Variants in KLRG1 observed in about 807,000 individuals in gnomAD.
KLRG1 encodes killer cell lectin like receptor G1.
Under a neutral mutation model 21.8 loss-of-function variants are expected in KLRG1, and 16 were observed. The observed-to-expected ratio is 0.73, with a 90% CI of 0.50 to 1.11. The LOEUF (loss-of-function observed/expected upper bound fraction) is 1.11. Ranked by LOEUF, KLRG1 falls within the 50% of genes most tolerant of loss-of-function variation. The probability of loss-of-function intolerance (pLI) is 0.00; values close to 1 mark genes in which losing one functional copy is unlikely to be tolerated. For missense variants in KLRG1, 173 were observed against 218.3 expected, an observed-to-expected ratio of 0.79 and a Z score of 1.31; for synonymous variants, 69 against 75.9, an observed-to-expected ratio of 0.91 and a Z score of 0.47.
At chr12:9,158,752 CTTTTCT>C in the KLRG1 span, among the ~76,000 whole-genome samples, 22 of 97,830 alleles carry the variant, frequency 2.2e-4, no homozygotes, top group South Asian at 4.0e-4. Context: ...TTTTTCTTTT[CTTTTCT>C]TTTTTTTTTT....
chr12:9,200,091 A>G, the KLRG1 span, among the ~76,000 whole-genome samples: 1 of 152,224 alleles, frequency 6.6e-6, no homozygotes, highest in African/African-American at 2.4e-5. Context: ...ATGTACAGAA[A>G]AATATCATGA....
At chr12:9,124,869 G>T in the KLRG1 span, among the ~76,000 whole-genome samples, 28 of 152,328 alleles carry the variant, frequency 1.8e-4, no homozygotes, top group Middle Eastern at 3.4e-3. Flanking sequence ...TGAAGGTTGG[G>T]ATCCCGGCAG....
rs1258320530 is a variant in KLRG1 at position 9,003,924 on chromosome 12, A to G, written c.358-5051A>G. Among the ~76,000 whole-genome samples, 3 of 151,412 alleles carry G rather than the reference A, an allele frequency of 2.0e-5. No individual in the cohort carries two copies. In the East Asian group the frequency reaches 5.8e-4, roughly 29 times the overall value. ...TGTGTCCATGTGTTCTCATTGTTCA[A>G]TTCCCATCTATGAGTGAGAACATGC... On this transcript the variant is annotated intron_variant, in intron 3 of 4. Transcript: ENST00000356986.
At chr12:9,162,342 T>C in the KLRG1 span, 2 of 393,802 alleles carry the variant, frequency 5.1e-6, no homozygotes, top group Non-Finnish European at 9.0e-6. Context: ...CACTGGGCTA[T>C]CCAGGTAAAA....
the KLRG1 span, among the ~76,000 whole-genome samples, chr12:9,062,777 T>G: frequency 6.7e-6 from 1 of 148,726 alleles, no homozygotes; most frequent in Non-Finnish European, 1.5e-5. Context: ...ATGATATATA[T>G]TTATAGCAGA....
the KLRG1 span, chr12:9,076,843 G>A: frequency 6.2e-7 from 1 of 1,613,948 alleles, no homozygotes; most frequent in Non-Finnish European, 8.5e-7. Flanking sequence ...TAGGCCAGCA[G>A]TGCTTTGGTA....
chr12:8,978,062 C>T (rs1592251465), intron 1 of KLRG1, among the ~76,000 whole-genome samples: 1 of 152,126 alleles, frequency 6.6e-6, no homozygotes, highest in African/African-American at 2.4e-5. Flanking sequence ...TCATAGTGTG[C>T]ATTGGTTAAC....
chr12:9,096,239 C>T, the KLRG1 span, among the ~76,000 whole-genome samples: 2 of 152,188 alleles, frequency 1.3e-5, no homozygotes, highest in Non-Finnish European at 2.9e-5. Flanking sequence ...TCTAAGTACT[C>T]ATCTAAGTAC....
chr12:9,070,655 A>G, the KLRG1 span: 1 of 957,504 alleles, frequency 1.0e-6, no homozygotes, highest in Non-Finnish European at 1.6e-6. Context: ...CATGTTAAGC[A>G]TTCCACAGCT....
intron 1 of KLRG1, among the ~76,000 whole-genome samples, chr12:8,976,839 T>C (rs1946664350): frequency 1.3e-5 from 2 of 151,762 alleles, no homozygotes. Flanking sequence ...CTCCACCTTA[T>C]GGGTTCAAGT....
the KLRG1 span, chr12:9,203,812 C>G: frequency 1.4e-5 from 22 of 1,614,012 alleles, no homozygotes; most frequent in East Asian, 4.5e-4. Flanking sequence ...GCCACCAGGT[C>G]AGTGAAGAGG....
rs76829886 is a variant in KLRG1, at chr12:8,982,982, T to C, written c.-155-9224T>C. Reference sequence around the variant, plus strand: ...TATCTTTTTGGTTCTTGCTTTTTCTTCTAGTCTTACAATTTGTGCCATTTA... The same window carrying C: ...TATCTTTTTGGTTCTTGCTTTTTCTCCTAGTCTTACAATTTGTGCCATTTA... On this transcript the variant is annotated intron_variant, in intron 1 of 4. Coordinates refer to the KLRG1 transcript ENST00000539240. Among the ~76,000 whole-genome samples, 203 of 152,316 alleles carry C rather than the reference T, an allele frequency of 1.3e-3. 2 individuals carry two copies. Among genetic ancestry groups the C allele is most frequent in the Middle Eastern group, 3.4e-3 (1 of 294 alleles).
chr12:9,159,921 T>C, the KLRG1 span: 10 of 1,588,490 alleles, frequency 6.3e-6, no homozygotes, highest in African/African-American at 8.1e-5. Flanking sequence ...AAACTCAGAA[T>C]AGATTTTCTT....
the KLRG1 span, chr12:9,158,622 CT>C: frequency 6.3e-7 from 1 of 1,591,362 alleles, no homozygotes; most frequent in Non-Finnish European, 8.6e-7. Flanking sequence ...TCATTGAGCA[CT>C]TTACTGCTCT....
At chr12:9,196,283 G>T in the KLRG1 span, 1 of 1,347,426 alleles carries the variant, frequency 7.4e-7, no homozygotes, top group Non-Finnish European at 1.1e-6. Context: ...CCTGTGCTTA[G>T]GTGCAACTGG....
At chr12:9,017,416 A>G in the KLRG1 span, among the ~76,000 whole-genome samples, 11 of 152,196 alleles carry the variant, frequency 7.2e-5, no homozygotes, top group Non-Finnish European at 1.6e-4. Flanking sequence ...ATCATTCATT[A>G]TGACAAAATG....
the KLRG1 span, among the ~76,000 whole-genome samples, chr12:9,211,429 TTG>T: frequency 6.6e-6 from 1 of 152,194 alleles, no homozygotes; most frequent in African/African-American, 2.4e-5. Context: ...TATATAATTT[TTG>T]TGTGTTTTTT....
the KLRG1 span, among the ~76,000 whole-genome samples, chr12:9,051,266 G>C: frequency 6.6e-6 from 1 of 152,098 alleles, no homozygotes; most frequent in Non-Finnish European, 1.5e-5. Flanking sequence ...TCCAGAGACG[G>C]GATTACCAGC....
At chr12:9,075,392 C>A in the KLRG1 span, among the ~76,000 whole-genome samples, 1 of 151,908 alleles carries the variant, frequency 6.6e-6, no homozygotes, top group East Asian at 1.9e-4. Flanking sequence ...CACAGATGCA[C>A]AAGAAAACAG....
Sources: allele counts gnomAD v4.1 joint callset (sites outside exome capture counted in the v4.1 genomes callset), GRCh38; gene constraint gnomAD v4.1.1; transcripts MANE v1.5; gene names NCBI Gene and HGNC (gene_info 2026-07-23, HGNC 2026-07-21).